FAXC: variants seen among roughly 807,000 people sequenced by gnomAD.
FAXC encodes the protein failed axon connections homolog.
In FAXC, 10 loss-of-function variants were observed where a neutral mutation model predicts 41.9. The observed-to-expected ratio is 0.24, with a 90% CI of 0.15 to 0.41. The LOEUF is 0.41. Ranked by LOEUF, FAXC falls within the 10% of genes least tolerant of loss-of-function variation. The probability of loss-of-function intolerance (pLI) is 1.00; values close to 1 mark genes in which losing one functional copy is unlikely to be tolerated. For synonymous variants in FAXC, 183 were observed against 183.8 expected (o/e 1.00, Z 0.03); for missense variants, 399 against 510.9 (o/e 0.78, Z 2.11).
rs746593580 is a variant in FAXC, at chr6:99,349,118, G to A, written c.255C>T (p.Leu85=). The A allele has an allele frequency of 6.2e-7, 1 of 1,613,542 alleles. No homozygotes were observed. The highest frequency in any genetic ancestry group is 1.3e-5 in the African/African-American group (1 of 75,036). ...TCTCTCCGGCTCACCTAATGACCAG[G>A]AGTTCGTGGAGCAGATACGCAGCTG... The part of the protein sequence containing the change: ...LAAAAYLLHE[L]LVIRKQQEID... Residue 85 remains leucine, a synonymous_variant, in exon 1 of 6, where the codon CTC becomes CTT. Transcript: ENST00000389677.
At chr6:99,288,859 T>TACACACACAGACACACACACACAC (rs1554197989) in intron 5 of FAXC, among the ~76,000 whole-genome samples, 1 of 145,736 alleles carries the variant, frequency 6.9e-6, no homozygotes, top group African/African-American at 2.6e-5. Flanking sequence ...CACACACACA[T>TACACACACAGACACACACACACAC]ACACACACAC....
intron 3 of FAXC, among the ~76,000 whole-genome samples, chr6:99,328,077 C>T (rs1006531433): frequency 4.6e-5 from 7 of 152,114 alleles, no homozygotes; most frequent in African/African-American, 1.4e-4. Context: ...CATGGCATGC[C>T]AGCCCCTCTC....
In FAXC at chr6:99,349,271, C is replaced by T. The variant is rs1222093753; in HGVS notation, c.102G>A (p.Glu34=). The change falls in exon 1 of 6, where the codon GAG becomes GAA. Residue 34 remains glutamate (E), a synonymous_variant. Transcript: ENST00000389677. The stretch of plus-strand genomic sequence containing the variant: ...TGATGTCCCCATAAAAGGAGAAGGG[C>T]TCCTCGGACCCGGCCCACCAGCCGA... ...SFFGWWAGSE[E]PFSFYGDIIA... is the part of the protein sequence containing the mutation. The T allele has an allele frequency of 6.2e-7, 1 of 1,613,656 alleles. No individual in the cohort carries two copies. The highest frequency in any genetic ancestry group is 8.5e-7 in the Non-Finnish European group (1 of 1,180,020).
intron 4 of FAXC, among the ~76,000 whole-genome samples, chr6:99,299,538 T>C (rs1771623999): frequency 1.3e-5 from 2 of 152,230 alleles, no homozygotes; most frequent in African/African-American, 4.8e-5. Flanking sequence ...TGGACATTAT[T>C]CATACTTCTA....
At chr6:99,323,131 A>G (rs186154134) in intron 4 of FAXC, among the ~76,000 whole-genome samples, 88 of 152,322 alleles carry the variant, frequency 5.8e-4, no homozygotes, top group African/African-American at 1.9e-3. Flanking sequence ...TTCCTTGCTC[A>G]AAATCCCTGT....
chr6:99,291,716 G>A lies in FAXC; in HGVS notation c.928C>T (p.Arg310Trp), dbSNP rs201322886. The A allele has an allele frequency of 1.1e-5, 18 of 1,613,372 alleles. No individual in the cohort carries two copies. Among genetic ancestry groups the A allele is most frequent in the Admixed American group, 1.0e-4 (6 of 60,014 alleles). Residue 310 changes from arginine to tryptophan, a missense_variant, in exon 5 of 6, where the codon CGG (arginine) becomes TGG (tryptophan). Coordinates refer to ENST00000389677, the MANE Select transcript of FAXC (RefSeq NM_032511.4). ...MWTLPGTRPE[R>W]LIKGELINLA... is the part of the protein sequence containing the mutation. ...GTGTAGGGCTTGCCTTTGATCAGCC[G>A]TTCGGGTCTTGTCCCTGGTAAGGTC...
rs1355344945 is a variant in FAXC at position 99,276,270 on chromosome 6, T to G, written c.*4894A>C. 2 of 152,162 alleles carry G rather than the reference T, an allele frequency of 1.3e-5. No homozygotes were observed. Among genetic ancestry groups the G allele is most frequent in the African/African-American group, 4.8e-5 (2 of 41,428 alleles). 9.4% of individuals were successfully genotyped at this position (152,162 alleles called of 1,614,324 possible). A position where few individuals can be genotyped will look rare whatever the true frequency, so the allele number is the denominator to read the frequency against. ...ATTGTTCTATGAATGAATGAATAAATGAATACAGGAAAACCTGATTGTGCA... is the reference window on the plus strand; with the variant it reads ...ATTGTTCTATGAATGAATGAATAAAGGAATACAGGAAAACCTGATTGTGCA... On this transcript the variant is annotated 3_prime_UTR_variant, in exon 6 of 6. Transcript: ENST00000389677.
At chr6:99,326,799 C>T (rs868348742) in intron 3 of FAXC, among the ~76,000 whole-genome samples, 1 of 152,170 alleles carries the variant, frequency 6.6e-6, no homozygotes. Flanking sequence ...TGAGGGGCTA[C>T]AGAGAAATTT....
At chr6:99,348,457 C>T (rs1773674565) in intron 1 of FAXC, among the ~76,000 whole-genome samples, 1 of 152,258 alleles carries the variant, frequency 6.6e-6, no homozygotes, top group East Asian at 1.9e-4. Flanking sequence ...CGGCACTGGG[C>T]GACTCCGTGT....
Position 99,349,620 on chromosome 6 carries a change from T to TC in FAXC, c.-249dup, listed in dbSNP as rs1357903463. On this transcript the variant is annotated 5_prime_UTR_variant, in exon 1 of 6. Coordinates refer to ENST00000389677, the MANE Select transcript of FAXC (RefSeq NM_032511.4). ...CTGGGCGGCAGCAGCGGCCGCCGGC[T>TC]CCCCCCGCAGCTGCCTCTCCGCCCC... 6.5e-6 allele frequency: 1 copy of TC among 152,908 alleles called. No individual in the cohort carries two copies. Among genetic ancestry groups the TC allele is most frequent in the Non-Finnish European group, 1.4e-5 (1 of 69,114 alleles). The allele number at this position is 152,908 out of a possible 1,614,324, so 9.5% of individuals were successfully genotyped here. A position where few individuals can be genotyped will look rare whatever the true frequency, so the allele number is the denominator to read the frequency against.
chr6:99,344,605 G>C (rs1057312471), intron 1 of FAXC, among the ~76,000 whole-genome samples: 3 of 151,992 alleles, frequency 2.0e-5, no homozygotes, highest in Non-Finnish European at 4.4e-5. Context: ...AAAAAAAATT[G>C]CTGCTTTCTG....
At chr6:99,290,099 C>CA (rs1277737476) in intron 5 of FAXC, among the ~76,000 whole-genome samples, 2 of 90,692 alleles carry the variant, frequency 2.2e-5, no homozygotes, top group African/African-American at 1.0e-4. Context: ...CACCCTACCC[C>CA]ACCACACACA....
At chr6:99,320,285 C>A (rs1772541018) in intron 4 of FAXC, among the ~76,000 whole-genome samples, 1 of 152,134 alleles carries the variant, frequency 6.6e-6, no homozygotes, top group Non-Finnish European at 1.5e-5. Flanking sequence ...CCTAGCAATT[C>A]ATGATAAATA....
intron 5 of FAXC, among the ~76,000 whole-genome samples, chr6:99,283,665 G>C (rs932937237): frequency 1.3e-5 from 2 of 152,178 alleles, no homozygotes; most frequent in East Asian, 1.9e-4. Context: ...CTCCCTTATG[G>C]GGACAGTCAT....
At chr6:99,292,907 A>T (rs1027144846) in intron 4 of FAXC, among the ~76,000 whole-genome samples, 3 of 152,140 alleles carry the variant, frequency 2.0e-5, no homozygotes, top group African/African-American at 7.2e-5. Flanking sequence ...CCCAGGTTCA[A>T]GTGAGTCTCC....
intron 4 of FAXC, 66 bp downstream of exon 4, chr6:99,323,378 A>G (rs1419883746): frequency 1.1e-5 from 15 of 1,352,642 alleles, no homozygotes; most frequent in Middle Eastern, 2.4e-4. Context: ...GTGAACCAAC[A>G]GTGTTTTACT....
intron 4 of FAXC, chr6:99,309,944 T>C (rs1165223591): frequency 3.9e-5 from 38 of 981,248 alleles, no homozygotes; most frequent in Non-Finnish European, 4.5e-5. Context: ...ACACAGAAGT[T>C]CTACTGGAAC....
chr6:99,333,330 G>A, intron 3 of FAXC, 21 bp downstream of exon 3: 2 of 1,569,896 alleles, frequency 1.3e-6, no homozygotes, highest in South Asian at 1.2e-5. Context: ...AAAGGACGGG[G>A]ACACCCCAGA....
At position 99,293,716 on chromosome 6, in the gene FAXC, G is replaced by GTC. The variant is rs1554198546; in HGVS notation, c.824-1897_824-1896insGA. Among the ~76,000 whole-genome samples, 960 of 139,432 alleles carry GTC rather than the reference G, an allele frequency of 6.9e-3. 1 individual carries two copies. The highest frequency in any genetic ancestry group is 0.012 in the Middle Eastern group (3 of 254). The allele number at this position is 139,432 out of a possible 152,430, so 91.5% of individuals were successfully genotyped here. On this transcript the variant is annotated intron_variant, in intron 4 of 5. Transcript: ENST00000389677. ...TGTGTGTGTGTGTGTGTGTGTGTCT[G>GTC]TGTGTGTGTGTGTGTGTGTGCATTT...
Sources: gnomAD v4.1 joint callset for allele counts (sites outside exome capture counted in the v4.1 genomes callset) on GRCh38, gnomAD v4.1.1 for gene constraint, MANE v1.5 for transcripts, NCBI Gene and HGNC (gene_info 2026-07-23, HGNC 2026-07-21) for gene names.